Variants in NCAPH observed in about 807,000 individuals in gnomAD.
The protein encoded by NCAPH is condensin complex subunit 2.
A neutral mutation model predicts 85.5 loss-of-function variants in NCAPH; 38 were observed. That is an observed-to-expected ratio of 0.44 (90% CI 0.34 to 0.58). The LOEUF is 0.58. NCAPH is among the 20% of genes least tolerant of loss of function. The pLI is 0.01. For synonymous variants in NCAPH, 301 were observed against 335.1 expected (o/e 0.90, Z 1.11); for missense variants, 789 against 916.6 (o/e 0.86, Z 1.80).
chr2:96,343,222 C>T lies in NCAPH; in HGVS notation c.513C>T (p.Ala171=), dbSNP rs776797054. 44 of 1,614,000 alleles carry T rather than the reference C, an allele frequency of 2.7e-5. No homozygotes were observed. The South Asian group carries it at 4.1e-4, about 15-fold the overall frequency. The change falls in exon 5 of 18, where the codon GCC becomes GCT. Residue 171 remains alanine (A), a synonymous_variant. Coordinates refer to ENST00000240423, the MANE Select transcript of NCAPH (RefSeq NM_015341.5). ...AGATCTATGCTGTGCGCGTGGATGC[C>T]GTCCATGCCGATGTATACAGAGTCC... is the stretch of plus-strand genomic sequence containing the variant. ...STKIYAVRVD[A]VHADVYRVLG...
intron 9 of NCAPH, 138 bp downstream of exon 9, chr2:96,354,526 A>G (rs980061768): frequency 1.5e-5 from 11 of 727,352 alleles, no homozygotes; most frequent in African/African-American, 1.9e-5. Context: ...ATCTCACTGC[A>G]TTGCCCAGGC....
chr2:96,341,921 T>G (rs749200436), intron 2 of NCAPH, 27 bp downstream of exon 2: 140 of 1,605,438 alleles, frequency 8.7e-5, no homozygotes, highest in Non-Finnish European at 1.2e-4. Context: ...CTGTTTCTCC[T>G]TGAGGCAGCC....
chr2:96,336,306 C>A (rs1233258610), intron 1 of NCAPH, among the ~76,000 whole-genome samples: 4 of 152,194 alleles, frequency 2.6e-5, no homozygotes, highest in Admixed American at 1.3e-4. Context: ...GTTGGGCGAA[C>A]AAAATTGATA....
chr2:96,363,806 G>A (rs188090890), intron 12 of NCAPH, among the ~76,000 whole-genome samples: 2 of 152,120 alleles, frequency 1.3e-5, no homozygotes, highest in Admixed American at 1.3e-4. Flanking sequence ...GAGACAGGCT[G>A]TTAATTAAGG....
chr2:96,352,638 G>A (rs976902275), intron 7 of NCAPH, among the ~76,000 whole-genome samples: 1 of 152,110 alleles, frequency 6.6e-6, no homozygotes, highest in African/African-American at 2.4e-5. Flanking sequence ...CTACACTTGG[G>A]GTCCCAGAAG....
In NCAPH at chr2:96,375,929, A is replaced by G. The variant is rs2064826944; in HGVS notation, c.*2578A>G. 6.6e-6 allele frequency among the ~76,000 whole-genome samples: 1 copy of G among 152,088 alleles called. No individual in the cohort carries two copies. Among genetic ancestry groups the G allele is most frequent in the Non-Finnish European group, 1.5e-5 (1 of 68,004 alleles). On this transcript the variant is annotated 3_prime_UTR_variant, in exon 18 of 18. Transcript: ENST00000240423. Reference sequence around the variant, plus strand: ...ATATTTGCCACCTCAGGGTGCCACAAAGGTCCCCACCAGCAAGAAGGCTCC... The same window carrying G: ...ATATTTGCCACCTCAGGGTGCCACAGAGGTCCCCACCAGCAAGAAGGCTCC...
intron 8 of NCAPH, 47 bp downstream of exon 8, chr2:96,353,444 G>A: frequency 6.5e-7 from 1 of 1,532,980 alleles, no homozygotes; most frequent in Non-Finnish European, 9.0e-7. Context: ...GTTGGCTCAA[G>A]AGTGGTCCTG....
chr2:96,358,166 C>G (rs1441940087), intron 9 of NCAPH, among the ~76,000 whole-genome samples: 1 of 152,224 alleles, frequency 6.6e-6, no homozygotes, highest in African/African-American at 2.4e-5. Context: ...CCATGCTGCA[C>G]TGACCACTTA....
In NCAPH at chr2:96,354,193, C is replaced by T. The variant is rs749688056; in HGVS notation, c.1013C>T (p.Ala338Val). The change falls in exon 9 of 18, where the codon GCC (alanine) becomes GTC (valine). Residue 338 changes from alanine to valine, a missense_variant. Transcript: ENST00000240423. ...DSETHNESVS[A>V]LVDKFKKNDQ... is the part of the protein sequence containing the mutation. ...CTTTTGTCCCTCCAGTCTGTGTCGG[C>T]CCTGGTAGACAAGTTTAAGAAGAAT... 4.3e-6 allele frequency: 7 copies of T among 1,613,606 alleles called. No individual in the cohort carries two copies. The highest frequency in any genetic ancestry group is 5.9e-6 in the Non-Finnish European group (7 of 1,179,748).
intron 6 of NCAPH, among the ~76,000 whole-genome samples, chr2:96,347,373 A>G (rs2064376174): frequency 6.6e-6 from 1 of 151,590 alleles, no homozygotes; most frequent in Admixed American, 6.6e-5. Flanking sequence ...AAGGAATAAG[A>G]TTTTGTCAGA....
rs1573102857 is a variant in NCAPH at position 96,373,525 on chromosome 2, G to A, written c.*174G>A. The A allele has an allele frequency of 4.8e-6, 3 of 619,356 alleles. No individual in the cohort carries two copies. Among genetic ancestry groups the A allele is most frequent in the Non-Finnish European group, 8.6e-6 (3 of 349,920 alleles). The allele number at this position is 619,356 out of a possible 1,614,324, so 38.4% of individuals were successfully genotyped here. Reference sequence around the variant, plus strand: ...TCTCCATCATAGTCTGGGTGCCAGCGCCCTGAAGCTCCGTGCTCAACTGAT... The same window carrying A: ...TCTCCATCATAGTCTGGGTGCCAGCACCCTGAAGCTCCGTGCTCAACTGAT... On this transcript the variant is annotated 3_prime_UTR_variant, in exon 18 of 18. Transcript: ENST00000240423.
At position 96,373,310 on chromosome 2, in the gene NCAPH, A is replaced by T. The variant is rs1288342928; in HGVS notation, c.2185A>T (p.Thr729Ser). The T allele has an allele frequency of 1.2e-5, 19 of 1,613,938 alleles. No individual in the cohort carries two copies. Among genetic ancestry groups the T allele is most frequent in the Non-Finnish European group, 1.5e-5 (18 of 1,179,952 alleles). The change falls in exon 18 of 18, where the codon ACA (threonine) becomes TCA (serine). Residue 729 changes from threonine to serine, a missense_variant. Transcript: ENST00000240423. The stretch of plus-strand genomic sequence containing the variant: ...CCCTCAGAATCTAAAACTGGAAGGA[A>T]CAGAGGACCTCTCTGATGTTCTTGT... The part of the protein sequence containing the change: ...ANEKNLKLEG[T>S]EDLSDVLVRQ...
chr2:96,364,743 G>A (rs1267711935), intron 13 of NCAPH, 152 bp downstream of exon 13: 4 of 617,390 alleles, frequency 6.5e-6, no homozygotes, highest in Non-Finnish European at 8.7e-6. Flanking sequence ...TCCACCCAGT[G>A]CAGGGAGCTG....
intron 6 of NCAPH, among the ~76,000 whole-genome samples, chr2:96,350,815 A>G (rs2064430301): frequency 6.6e-6 from 1 of 152,162 alleles, no homozygotes; most frequent in Non-Finnish European, 1.5e-5. Context: ...CATAGTAGCC[A>G]CGTTCTGAGG....
chr2:96,361,539 T>C (rs2064609245), intron 12 of NCAPH, among the ~76,000 whole-genome samples: 1 of 151,786 alleles, frequency 6.6e-6, no homozygotes, highest in South Asian at 2.1e-4. Flanking sequence ...GCCTTCTGAA[T>C]TACCTGGTGT....
rs753329215 is a variant in NCAPH, at chr2:96,364,433, T to C, written c.1588-48T>C. ...TTAAGATTTACTTCTCTAACCTAGT[T>C]CAGTAGCTTTTAACAAAATAGCTTT... On this transcript the variant is annotated intron_variant, in intron 12 of 17. Transcript: ENST00000240423. 3 of 1,250,376 alleles carry C rather than the reference T, an allele frequency of 2.4e-6. No individual in the cohort carries two copies. The African/African-American group carries it at 4.5e-5, about 19-fold the overall frequency. The allele number at this position is 1,250,376 out of a possible 1,614,324, so 77.5% of individuals were successfully genotyped here.
In NCAPH at chr2:96,341,635, G is replaced by T. The variant is rs1288122347; in HGVS notation, c.20-7G>T. On this transcript the variant is annotated splice_region_variant and splice_polypyrimidine_tract_variant and intron_variant, in intron 1 of 17. Coordinates refer to ENST00000240423, the MANE Select transcript of NCAPH (RefSeq NM_015341.5). ...TGAAGGTTTCTTGAGCAAGAATTTT[G>T]TTCCAGCACTGCCAGCCACAATGAA... The T allele has an allele frequency of 6.2e-7, 1 of 1,607,622 alleles. No individual in the cohort carries two copies.
Position 96,354,498 on chromosome 2 carries a change from C to G in NCAPH, c.1208+110C>G, listed in dbSNP as rs1187911551. 1.6e-5 allele frequency: 15 copies of G among 967,378 alleles called. No homozygotes were observed. The South Asian group carries it at 2.9e-4, about 19-fold the overall frequency. The allele number at this position is 967,378 out of a possible 1,614,324, so 59.9% of individuals were successfully genotyped here. Reference sequence around the variant, plus strand: ...TTTTTCTTTCTTTTTTTTTCCCCCCCCAAAAATAGAGACGGGCATCTCACT... The same window carrying G: ...TTTTTCTTTCTTTTTTTTTCCCCCCGCAAAAATAGAGACGGGCATCTCACT... On this transcript the variant is annotated intron_variant, in intron 9 of 17. Coordinates refer to ENST00000240423, the MANE Select transcript of NCAPH (RefSeq NM_015341.5).
intron 9 of NCAPH, among the ~76,000 whole-genome samples, chr2:96,356,315 T>C (rs945895033): frequency 6.6e-6 from 1 of 152,146 alleles, no homozygotes; most frequent in Non-Finnish European, 1.5e-5. Flanking sequence ...AGATCTGATC[T>C]TGCCGTTACT....
Sources: gnomAD v4.1 joint callset for allele counts (sites outside exome capture counted in the v4.1 genomes callset) on GRCh38, gnomAD v4.1.1 for gene constraint, MANE v1.5 for transcripts, NCBI Gene and HGNC (gene_info 2026-07-23, HGNC 2026-07-21) for gene names.